Variants in TFB1M observed in about 807,000 individuals in gnomAD.
TFB1M encodes dimethyladenosine transferase 1, mitochondrial.
Under a neutral mutation model 31.1 loss-of-function variants are expected in TFB1M, and 27 were observed. That is an observed-to-expected ratio of 0.87 (90% CI 0.64 to 1.20). The LOEUF (loss-of-function observed/expected upper bound fraction) is 1.20. TFB1M is among the 50% of genes most tolerant of loss of function. The probability of loss-of-function intolerance (pLI) is 0.00; values close to 1 mark genes in which losing one functional copy is unlikely to be tolerated. For synonymous variants in TFB1M, 166 were observed against 151.8 expected (o/e 1.09, Z -0.69); for missense variants, 394 against 418.7 (o/e 0.94, Z 0.51).
In TFB1M at chr6:155,285,176, A is replaced by C; in HGVS notation, c.648T>G (p.Ala216=). ...VRHIFTIPGQ[A]FVPKPEVDVG... is the part of the protein sequence containing the mutation. ...AACTTACCTCTGGTTTGGGGACAAA[A>C]GCTTGTCCTGGAATCGTAAAGATGT... The change falls in exon 5 of 7, where the codon GCT becomes GCG. Residue 216 remains alanine, a synonymous_variant. Coordinates refer to ENST00000367166, the MANE Select transcript of TFB1M (RefSeq NM_016020.4). 1 of 1,614,008 alleles carries C rather than the reference A, an allele frequency of 6.2e-7. No homozygotes were observed. The highest frequency in any genetic ancestry group is 8.5e-7 in the Non-Finnish European group (1 of 1,179,890).
At chr6:155,267,224 C>T (rs934480827) in intron 5 of TFB1M, among the ~76,000 whole-genome samples, 2 of 152,208 alleles carry the variant, frequency 1.3e-5, no homozygotes, top group Non-Finnish European at 1.5e-5. Context: ...ATCCACCTGC[C>T]TTGGCCTCCC....
downstream of TFB1M, chr6:155,252,954 A>T (rs141419123): frequency 3.7e-6 from 6 of 1,613,952 alleles, no homozygotes; most frequent in Non-Finnish European, 5.1e-6. Flanking sequence ...ACAGCCCTCG[A>T]ATTCCCGGCC....
At chr6:155,300,457 G>C (rs1777372775) in intron 2 of TFB1M, among the ~76,000 whole-genome samples, 1 of 152,110 alleles carries the variant, frequency 6.6e-6, no homozygotes, top group African/African-American at 2.4e-5. Context: ...TCTCTATGCG[G>C]CATGCTCTTA....
At chr6:155,296,469 G>A (rs779090791) in intron 4 of TFB1M, among the ~76,000 whole-genome samples, 40 of 142,214 alleles carry the variant, frequency 2.8e-4, no homozygotes, top group Middle Eastern at 3.6e-3. Flanking sequence ...TAGTAGAGAC[G>A]GGGTTTCACC....
At chr6:155,264,863 A>G (rs944936213) in intron 5 of TFB1M, among the ~76,000 whole-genome samples, 4 of 152,210 alleles carry the variant, frequency 2.6e-5, no homozygotes, top group African/African-American at 9.6e-5. Context: ...ACCTATTAGT[A>G]ATAACAACAA....
chr6:155,249,699 G>A, the TFB1M span: 1 of 547,592 alleles, frequency 1.8e-6, no homozygotes, highest in Non-Finnish European at 3.2e-6. Flanking sequence ...GGGCTACAGT[G>A]GGCTGTTGTG....
In TFB1M at chr6:155,257,267, A is replaced by G; in HGVS notation, c.*569T>C. ...ATTTTCCCACAAAATGGTTGTAAAG[A>G]TTTAAGTTATTTTAATTTATTGTGG... is the stretch of plus-strand genomic sequence containing the variant. On this transcript the variant is annotated 3_prime_UTR_variant, in exon 7 of 7. Coordinates refer to ENST00000367166, the MANE Select transcript of TFB1M (RefSeq NM_016020.4). 1 of 895,994 alleles carries G rather than the reference A, an allele frequency of 1.1e-6. No homozygotes were observed. The highest frequency in any genetic ancestry group is 1.6e-6 in the Non-Finnish European group (1 of 609,274). The allele number at this position is 895,994 out of a possible 1,614,324, so 55.5% of individuals were successfully genotyped here. A position where few individuals can be genotyped will look rare whatever the true frequency, so the allele number is the denominator to read the frequency against.
chr6:155,237,274 ACAC>A, the TFB1M span, among the ~76,000 whole-genome samples: 2 of 152,248 alleles, frequency 1.3e-5, no homozygotes, highest in Non-Finnish European at 2.9e-5. Flanking sequence ...CATCCAGGTC[ACAC>A]TGATGCAAGA....
At chr6:155,274,993 C>T (rs1969863) in intron 5 of TFB1M, among the ~76,000 whole-genome samples, 98,242 of 151,718 alleles carry the variant, frequency 0.65, 32,471 homozygotes, top group East Asian at 0.98. Flanking sequence ...CCGAGGTGGG[C>T]GGATCACGAG....
At chr6:155,240,532 T>A in the TFB1M span, 1 of 1,609,574 alleles carries the variant, frequency 6.2e-7, no homozygotes, top group Non-Finnish European at 8.5e-7. Context: ...TCTCTCAGAG[T>A]GCTGAGCAGA....
chr6:155,306,744 A>G (rs1462015491), intron 2 of TFB1M, among the ~76,000 whole-genome samples: 1 of 152,206 alleles, frequency 6.6e-6, no homozygotes, highest in African/African-American at 2.4e-5. Context: ...GGGACAGATT[A>G]CAAAGAAACA....
chr6:155,254,015 C>T, downstream of TFB1M: 1 of 1,614,072 alleles, frequency 6.2e-7, no homozygotes, highest in Non-Finnish European at 8.5e-7. Context: ...CATACGAAGT[C>T]AGAAATAGAA....
chr6:155,232,087 A>C, the TFB1M span, among the ~76,000 whole-genome samples: 1 of 129,950 alleles, frequency 7.7e-6, no homozygotes, highest in Non-Finnish European at 1.6e-5. Context: ...TCTCAAAAAC[A>C]AAAACAAAAA....
chr6:155,284,383 G>A (rs1421572643), intron 5 of TFB1M, among the ~76,000 whole-genome samples: 1 of 152,168 alleles, frequency 6.6e-6, no homozygotes, highest in African/African-American at 2.4e-5. Flanking sequence ...TTAGGGACCA[G>A]TGAGAAATTT....
chr6:155,309,927 T>C (rs1777947423), intron 2 of TFB1M, among the ~76,000 whole-genome samples: 1 of 152,170 alleles, frequency 6.6e-6, no homozygotes, highest in Admixed American at 6.5e-5. Flanking sequence ...GTTTAGTATC[T>C]GAAACCAATT....
intron 5 of TFB1M, among the ~76,000 whole-genome samples, chr6:155,282,764 G>A (rs1430382606): frequency 6.7e-6 from 1 of 149,770 alleles, no homozygotes; most frequent in Non-Finnish European, 1.5e-5. Flanking sequence ...GTCTCGCTCT[G>A]TCACCCAGGC....
At chr6:155,311,056 G>C in intron 2 of TFB1M, 132 bp downstream of exon 2, 1 of 970,360 alleles carries the variant, frequency 1.0e-6, no homozygotes, top group Non-Finnish European at 1.6e-6. Flanking sequence ...AAAATCTCTG[G>C]AATGGGGCCT....
rs370258106 is a variant in TFB1M at position 155,256,478 on chromosome 6, C to T, written c.*1358G>A. 392 of 1,614,036 alleles carry T rather than the reference C, an allele frequency of 2.4e-4. No individual in the cohort carries two copies. The highest frequency in any genetic ancestry group is 3.2e-4 in the Non-Finnish European group (375 of 1,180,054). ...ATCACAGCGAAATGTGTTTTTCTCA[C>T]TGTAGCTTCATCCAGGTCTTTAAAA... On this transcript the variant is annotated 3_prime_UTR_variant, in exon 7 of 7. Coordinates refer to ENST00000367166, the MANE Select transcript of TFB1M (RefSeq NM_016020.4).
the TFB1M span, chr6:155,240,767 G>A: frequency 6.5e-7 from 1 of 1,541,958 alleles, no homozygotes; most frequent in Non-Finnish European, 8.8e-7. Flanking sequence ...CAAGTGGTAT[G>A]CTGGCAGAGG....
Sources: gnomAD v4.1 joint callset for allele counts (sites outside exome capture counted in the v4.1 genomes callset) on GRCh38, gnomAD v4.1.1 for gene constraint, MANE v1.5 for transcripts, NCBI Gene and HGNC (gene_info 2026-07-23, HGNC 2026-07-21) for gene names.